Variants in ZCCHC7 observed in about 807,000 individuals in gnomAD.
ZCCHC7 encodes the protein zinc finger CCHC-type containing 7.
In ZCCHC7, 35 loss-of-function variants were observed where a neutral mutation model predicts 52.0. That is an observed-to-expected ratio of 0.67 (90% CI 0.51 to 0.89). The LOEUF is 0.89. Ranked by LOEUF, ZCCHC7 falls within the 40% of genes least tolerant of loss-of-function variation. The probability of loss-of-function intolerance (pLI) is 0.00; values close to 1 mark genes in which losing one functional copy is unlikely to be tolerated. For synonymous variants in ZCCHC7, 217 were observed against 221.5 expected (o/e 0.98, Z 0.18); for missense variants, 574 against 649.1 (o/e 0.88, Z 1.26).
At chr9:37,302,046 C>G (rs1465154112) in intron 2 of ZCCHC7, 142 bp from the exon 3 acceptor site, 1 of 673,464 alleles carries the variant, frequency 1.5e-6, no homozygotes, top group East Asian at 2.7e-5. Context: ...ATAACAGAGC[C>G]AAAATAGGAA....
chr9:37,237,265 GT>G, intron 2 of ZCCHC7, among the ~76,000 whole-genome samples: 1 of 152,252 alleles, frequency 6.6e-6, no homozygotes, highest in South Asian at 2.1e-4. Flanking sequence ...TGTACTTTTG[GT>G]TTTACTTAAG....
chr9:37,235,996 A>T (rs1825634020), intron 2 of ZCCHC7, among the ~76,000 whole-genome samples: 1 of 152,100 alleles, frequency 6.6e-6, no homozygotes, highest in African/African-American at 2.4e-5. Context: ...ATCTTGGCTA[A>T]TGTGAGTAGT....
chr9:37,190,421 C>T (rs1244191885), intron 2 of ZCCHC7, among the ~76,000 whole-genome samples: 1 of 152,226 alleles, frequency 6.6e-6, no homozygotes, highest in Non-Finnish European at 1.5e-5. Context: ...TTCCAGATTT[C>T]AGCTGCTTTG....
intron 6 of ZCCHC7, among the ~76,000 whole-genome samples, chr9:37,344,596 T>C (rs886724897): frequency 1.1e-4 from 16 of 152,226 alleles, no homozygotes; most frequent in African/African-American, 3.9e-4. Context: ...CATACATGGC[T>C]TTTCTTGTTA....
At chr9:37,311,629 C>T (rs960115278) in intron 5 of ZCCHC7, among the ~76,000 whole-genome samples, 10 of 152,216 alleles carry the variant, frequency 6.6e-5, no homozygotes, top group African/African-American at 2.2e-4. Context: ...AGGCTGATGT[C>T]GAACTCCTGA....
At position 37,327,808 on chromosome 9, in the gene ZCCHC7, G is replaced by C; in HGVS notation, c.961G>C (p.Glu321Gln). The C allele has an allele frequency of 6.2e-7, 1 of 1,613,118 alleles. No individual in the cohort carries two copies. Among genetic ancestry groups the C allele is most frequent in the Non-Finnish European group, 8.5e-7 (1 of 1,179,334 alleles). The change falls in exon 6 of 9, where the codon GAA (glutamate) becomes CAA (glutamine). Residue 321 changes from glutamate to glutamine, a missense_variant. By Grantham distance (29) the Glu-to-Gln change is conservative (BLOSUM62 2). Around this residue, in one of 3 missense-constraint regions of ZCCHC7, gnomAD observed 403 missense variants for 461.2 expected, o/e 0.87. Transcript: ENST00000336755. ...TATTTTTATTTTCCAGGCTTGCACA[G>C]AAATCTGGAGGCAGTATCACCTAAC... Reference protein sequence around the residue: ...MLGHYTDACTEIWRQYHLTTK... With the variant: ...MLGHYTDACTQIWRQYHLTTK...
At chr9:37,131,338 A>C (rs1238101720) in intron 2 of ZCCHC7, among the ~76,000 whole-genome samples, 1 of 126,804 alleles carries the variant, frequency 7.9e-6, no homozygotes. Flanking sequence ...AGACTCTGTC[A>C]AAAAAAAAAA....
chr9:37,295,318 C>CAAGTAAAGGCCAAATCATGA (rs924125368), intron 2 of ZCCHC7, among the ~76,000 whole-genome samples: 1 of 152,048 alleles, frequency 6.6e-6, no homozygotes, highest in African/African-American at 2.4e-5. Context: ...GCAAGAGAAA[C>CAAGTAAAGGCCAAATCATGA]AAGTAAAGGC....
intron 1 of ZCCHC7, among the ~76,000 whole-genome samples, chr9:37,123,142 G>T (rs1314421921): frequency 6.6e-6 from 1 of 151,118 alleles, no homozygotes; most frequent in Non-Finnish European, 1.5e-5. Flanking sequence ...AGTATACTTG[G>T]GAATCATGTA....
intron 2 of ZCCHC7, among the ~76,000 whole-genome samples, chr9:37,223,237 C>G (rs1198951252): frequency 6.6e-6 from 1 of 152,004 alleles, no homozygotes; most frequent in East Asian, 1.9e-4. Context: ...AAGGTGGAAA[C>G]AACCCGTGTC....
intron 6 of ZCCHC7, among the ~76,000 whole-genome samples, chr9:37,341,756 A>G (rs1820651642): frequency 6.6e-6 from 1 of 152,104 alleles, no homozygotes; most frequent in African/African-American, 2.4e-5. Context: ...GCTTGAAGGA[A>G]GTGAAGGAGT....
At chr9:37,311,946 T>C (rs1236296136) in intron 5 of ZCCHC7, among the ~76,000 whole-genome samples, 1 of 152,242 alleles carries the variant, frequency 6.6e-6, no homozygotes, top group Non-Finnish European at 1.5e-5. Context: ...ACAAAGCATC[T>C]AGTACAAATC....
chr9:37,293,324 A>G, intron 2 of ZCCHC7, among the ~76,000 whole-genome samples: 1 of 152,152 alleles, frequency 6.6e-6, no homozygotes, highest in East Asian at 1.9e-4. Context: ...GACACTGGAG[A>G]AAAAAAGGAG....
intron 2 of ZCCHC7, among the ~76,000 whole-genome samples, chr9:37,130,678 A>G (rs935837684): frequency 1.5e-4 from 23 of 150,728 alleles, no homozygotes; most frequent in Non-Finnish European, 3.1e-4. Context: ...ATTTTTTTTT[A>G]GTAGAGACGG....
At chr9:37,319,851 G>A (rs907659556) in intron 5 of ZCCHC7, among the ~76,000 whole-genome samples, 1 of 152,108 alleles carries the variant, frequency 6.6e-6, no homozygotes, top group African/African-American at 2.4e-5. Flanking sequence ...TTTACATATG[G>A]TTGACCAATT....
chr9:37,230,202 GTAAA>G (rs1035280922), intron 2 of ZCCHC7, among the ~76,000 whole-genome samples: 7 of 152,274 alleles, frequency 4.6e-5, no homozygotes, highest in South Asian at 2.1e-4. Flanking sequence ...AAAAAGTATA[GTAAA>G]TAAATAAACC....
chr9:37,190,707 C>T (rs1193756739), intron 2 of ZCCHC7, among the ~76,000 whole-genome samples: 1 of 152,122 alleles, frequency 6.6e-6, no homozygotes, highest in Non-Finnish European at 1.5e-5. Context: ...TTGTTTTATG[C>T]TTCATGTTGT....
At chr9:37,144,957 G>A (rs1843374648) in intron 2 of ZCCHC7, 1 of 151,960 alleles carries the variant, frequency 6.6e-6, no homozygotes, top group African/African-American at 2.4e-5. Context: ...ATTTAGTCAT[G>A]CTGTTATTTT....
chr9:37,254,837 C>CTTTTTTTTTTTTTTTTTTTTTTTTTT (rs59489076), intron 2 of ZCCHC7, among the ~76,000 whole-genome samples: 1 of 93,458 alleles, frequency 1.1e-5, no homozygotes. Flanking sequence ...CAAAAAGTTT[C>CTTTTTTTTTTTTTTTTTTTTTTTTTT]TTTTTTTTTT....
Sources: allele counts gnomAD v4.1 joint callset (sites outside exome capture counted in the v4.1 genomes callset), GRCh38; gene constraint gnomAD v4.1.1; regional missense constraint gnomAD v4.1.1; transcripts MANE v1.5; gene names NCBI Gene and HGNC (gene_info 2026-07-23, HGNC 2026-07-21).